HOXB3: variants seen among roughly 807,000 people sequenced by gnomAD.
The protein encoded by HOXB3 is homeobox B3.
A neutral mutation model predicts 29.2 loss-of-function variants in HOXB3; 17 were observed. The observed-to-expected ratio is 0.58, with a 90% confidence interval of 0.40 to 0.87. HOXB3 has a LOEUF of 0.87. HOXB3 is among the 40% of genes least tolerant of loss of function. The pLI is 0.00. For missense variants in HOXB3, 637 were observed against 616.3 expected (o/e 1.03, Z -0.35); for synonymous variants, 317 against 285.9 (o/e 1.11, Z -1.10).
At chr17:48,565,025 G>T (rs914930633) in intron 2 of HOXB3, among the ~76,000 whole-genome samples, 3 of 151,514 alleles carry the variant, frequency 2.0e-5, no homozygotes, top group African/African-American at 7.3e-5. Context: ...GGGAGTTTGA[G>T]GGAGGAGATG....
chr17:48,555,320 A>G, intron 3 of HOXB3: 1 of 546,386 alleles, frequency 1.8e-6, no homozygotes, highest in Non-Finnish European at 3.2e-6. Context: ...AGGAAGAGAG[A>G]GGGGAGAGAG....
intron 1 of HOXB3, among the ~76,000 whole-genome samples, chr17:48,583,775 C>T (rs952277479): frequency 6.6e-6 from 1 of 152,162 alleles, no homozygotes; most frequent in Non-Finnish European, 1.5e-5. Flanking sequence ...CTTCAGGACT[C>T]CAGGAATTCC....
intron 1 of HOXB3, chr17:48,576,568 CT>C: frequency 3.5e-6 from 2 of 578,438 alleles, no homozygotes; most frequent in Admixed American, 3.6e-5. Flanking sequence ...TCCCCTCCCC[CT>C]CTTCTGCGTT....
intron 2 of HOXB3, among the ~76,000 whole-genome samples, chr17:48,573,367 A>G (rs1161574160): frequency 6.6e-6 from 1 of 152,188 alleles, no homozygotes; most frequent in Admixed American, 6.5e-5. Flanking sequence ...GATTTTTCCA[A>G]GAGGCAGCAG....
At chr17:48,582,518 C>CTTA (rs2069968830) in intron 1 of HOXB3, 1 of 152,174 alleles carries the variant, frequency 6.6e-6, no homozygotes, top group South Asian at 2.1e-4. Context: ...CTTTGTTAAA[C>CTTA]AGCTAGGCGC....
chr17:48,584,559 G>T (rs2070010976), intron 1 of HOXB3, among the ~76,000 whole-genome samples: 1 of 152,144 alleles, frequency 6.6e-6, no homozygotes, highest in Admixed American at 6.5e-5. Flanking sequence ...GTATTCTTTG[G>T]CCCTGCCAGA....
At chr17:48,571,163 C>T (rs770374135) in intron 2 of HOXB3, among the ~76,000 whole-genome samples, 7 of 152,164 alleles carry the variant, frequency 4.6e-5, no homozygotes, top group African/African-American at 1.7e-4. Context: ...TTCTTGCTGC[C>T]GATAAAGCGA....
Position 48,552,516 on chromosome 17 carries a change from C to T in HOXB3, c.-42G>A, listed in dbSNP as rs1829066819. On this transcript the variant is annotated 5_prime_UTR_variant, in exon 4 of 5. Transcript: ENST00000498678. The stretch of plus-strand genomic sequence containing the variant: ...GGCAGTGGGTGGCAACTTGGAAAGG[C>T]CTGATACCCTCAGGACCGGACATTG... 6.7e-7 allele frequency: 1 copy of T among 1,494,888 alleles called. No individual in the cohort carries two copies. 92.6% of individuals were successfully genotyped at this position (1,494,888 alleles called of 1,614,324 possible).
chr17:48,576,517 C>G (rs925888379), intron 1 of HOXB3: 31 of 399,026 alleles, frequency 7.8e-5, no homozygotes, highest in Non-Finnish European at 1.3e-4. Context: ...TCTGGGGGGG[C>G]CTCCCCGTGG....
chr17:48,565,332 C>G (rs1469745833), intron 2 of HOXB3, among the ~76,000 whole-genome samples: 3 of 152,186 alleles, frequency 2.0e-5, no homozygotes, highest in Non-Finnish European at 4.4e-5. Context: ...TTTAGCACCC[C>G]CAAGGGCCTA....
At chr17:48,574,656 G>A (rs1359931313) in intron 1 of HOXB3, among the ~76,000 whole-genome samples, 1 of 152,096 alleles carries the variant, frequency 6.6e-6, no homozygotes. Flanking sequence ...TGAGGCTGGA[G>A]CCCCCAGACC....
At chr17:48,563,048 C>T (rs2069254556) in intron 2 of HOXB3, among the ~76,000 whole-genome samples, 1 of 152,208 alleles carries the variant, frequency 6.6e-6, no homozygotes, top group South Asian at 2.1e-4. Context: ...TCTCCCCGAT[C>T]TTCCCTACCA....
chr17:48,556,557 A>G (rs889288990), intron 2 of HOXB3: 1 of 151,672 alleles, frequency 6.6e-6, no homozygotes, highest in African/African-American at 2.4e-5. Flanking sequence ...ACTTAAAAAA[A>G]AAAAAAAAAA....
In HOXB3 at chr17:48,554,342, AC is replaced by A. The variant is rs1160884775; in HGVS notation, c.-159+1188del. The A allele has an allele frequency of 5.2e-6, 2 of 384,980 alleles. No homozygotes were observed. Among genetic ancestry groups the A allele is most frequent in the East Asian group, 5.2e-5 (1 of 19,168 alleles). The allele number at this position is 384,980 out of a possible 1,614,324, so 23.8% of individuals were successfully genotyped here. Reference sequence around the variant, plus strand: ...GATTGTTACAGCAATAATAATGATGACGATGATGATGATAGTAATAATAATA... The same window carrying A: ...GATTGTTACAGCAATAATAATGATGAGATGATGATGATAGTAATAATAATA... On this transcript the variant is annotated intron_variant, in intron 3 of 4. Coordinates refer to ENST00000498678, the MANE Select transcript of HOXB3 (RefSeq NM_001384749.1). The surrounding 1 kb of genome is among the most constrained non-coding windows in gnomAD (Gnocchi z 4.1).
intron 1 of HOXB3, chr17:48,580,012 G>A (rs373063112): frequency 6.5e-6 from 3 of 459,366 alleles, no homozygotes; most frequent in African/African-American, 6.3e-5. Context: ...GGTGTGGTTT[G>A]AGTGCTTTGG....
chr17:48,574,602 A>C (rs574636690), intron 1 of HOXB3: 167 of 152,298 alleles, frequency 1.1e-3, no homozygotes, highest in African/African-American at 3.9e-3. Flanking sequence ...AGCTTTTTGG[A>C]GATGTGGTGG....
intron 2 of HOXB3, among the ~76,000 whole-genome samples, chr17:48,563,334 G>A (rs908017175): frequency 1.3e-5 from 2 of 152,196 alleles, no homozygotes; most frequent in African/African-American, 4.8e-5. Flanking sequence ...TCATCCCAGA[G>A]TTCCAGAACC....
chr17:48,564,157 C>A (rs567298364), intron 2 of HOXB3, among the ~76,000 whole-genome samples: 1 of 152,124 alleles, frequency 6.6e-6, no homozygotes, highest in East Asian at 1.9e-4. Flanking sequence ...GTCTCAGCCA[C>A]CCACCTCTGC....
chr17:48,562,391 T>C (rs1039628474), intron 2 of HOXB3, among the ~76,000 whole-genome samples: 5 of 151,810 alleles, frequency 3.3e-5, no homozygotes, highest in African/African-American at 1.2e-4. Context: ...ACTGTGTCCC[T>C]CATGACAAAG....
Sources: gnomAD v4.1 joint callset for allele counts (sites outside exome capture counted in the v4.1 genomes callset) on GRCh38, gnomAD v4.1.1 for gene constraint, Gnocchi (gnomAD v3.1) non-coding constraint, MANE v1.5 for transcripts, NCBI Gene and HGNC (gene_info 2026-07-23, HGNC 2026-07-21) for gene names.